PTPRD: variants seen among roughly 807,000 people sequenced by gnomAD.
PTPRD encodes the protein receptor-type tyrosine-protein phosphatase delta.
Under a neutral mutation model 214.5 loss-of-function variants are expected in PTPRD, and 34 were observed. That is an observed-to-expected ratio of 0.16 (90% CI 0.12 to 0.21). The LOEUF (loss-of-function observed/expected upper bound fraction) is 0.21, where lower values mean the gene tolerates loss of function less well. PTPRD is among the 10% of genes least tolerant of loss of function. The pLI, the probability that PTPRD is intolerant of heterozygous loss-of-function variation, is 1.00. For synonymous variants in PTPRD, 1,128 were observed against 845.7 expected, an observed-to-expected ratio of 1.33 and a Z score of -5.79; for missense variants, 2,545 against 2,398.7, an observed-to-expected ratio of 1.06 and a Z score of -1.27.
chr9:9,374,358 T>G (rs2060255006), intron 9 of PTPRD, among the ~76,000 whole-genome samples: 1 of 152,010 alleles, frequency 6.6e-6, no homozygotes, highest in Non-Finnish European at 1.5e-5. Flanking sequence ...AACAGGAACA[T>G]TAAAGTCAAA....
At chr9:9,018,502 A>G (rs966950540) in intron 11 of PTPRD, among the ~76,000 whole-genome samples, 195 bp downstream of exon 11, 4 of 152,194 alleles carry the variant, frequency 2.6e-5, no homozygotes, top group African/African-American at 9.6e-5. Context: ...TACTACATAC[A>G]GAAAATTTAT....
intron 3 of PTPRD, among the ~76,000 whole-genome samples, chr9:10,168,050 G>C (rs899326350): frequency 6.6e-6 from 1 of 152,112 alleles, no homozygotes; most frequent in South Asian, 2.1e-4. Context: ...GGCAATTCAC[G>C]TGTTTTTCCT....
At chr9:9,190,222 G>A (rs1377896331) in intron 9 of PTPRD, among the ~76,000 whole-genome samples, 1 of 151,996 alleles carries the variant, frequency 6.6e-6, no homozygotes, top group Non-Finnish European at 1.5e-5. Flanking sequence ...TATTGCAGGA[G>A]TGAGCTCTTG....
chr9:9,962,821 T>C (rs940244808), intron 4 of PTPRD, among the ~76,000 whole-genome samples: 4 of 152,012 alleles, frequency 2.6e-5, no homozygotes, highest in Non-Finnish European at 5.9e-5. Flanking sequence ...AAGAGTTCAA[T>C]AAAGACTGTT....
At chr9:9,309,197 C>G (rs1469452528) in intron 9 of PTPRD, among the ~76,000 whole-genome samples, 3 of 151,790 alleles carry the variant, frequency 2.0e-5, no homozygotes, top group Non-Finnish European at 4.4e-5. Context: ...GTGCCCTGTT[C>G]CTGCCTGAAC....
At chr9:8,978,806 G>A (rs2099285830) in intron 11 of PTPRD, among the ~76,000 whole-genome samples, 1 of 152,110 alleles carries the variant, frequency 6.6e-6, no homozygotes, top group African/African-American at 2.4e-5. Flanking sequence ...CTCAGAAAAC[G>A]AAAAGGACCT....
At chr9:9,522,801 C>A (rs1162771107) in intron 8 of PTPRD, among the ~76,000 whole-genome samples, 2 of 152,086 alleles carry the variant, frequency 1.3e-5, no homozygotes, top group South Asian at 4.1e-4. Context: ...ATTTTGGAAA[C>A]AACTAGAGTG....
intron 2 of PTPRD, among the ~76,000 whole-genome samples, chr9:10,487,228 G>A (rs895718743): frequency 1.3e-5 from 2 of 151,996 alleles, no homozygotes; most frequent in South Asian, 2.1e-4. Context: ...AGATCATTGG[G>A]TCTTCTTTTT....
intron 3 of PTPRD, among the ~76,000 whole-genome samples, chr9:10,058,039 A>G (rs879432836): frequency 2.0e-5 from 3 of 152,114 alleles, no homozygotes; most frequent in Admixed American, 2.0e-4. Context: ...TTAAAATGCC[A>G]GTATACGGGT....
chr9:9,836,264 A>C (rs1428135101), intron 5 of PTPRD, among the ~76,000 whole-genome samples: 8 of 152,158 alleles, frequency 5.3e-5, no homozygotes, highest in African/African-American at 1.7e-4. Context: ...AGTTAACTTA[A>C]GGCTTATTTG....
rs145964213 is a variant in PTPRD, at chr9:9,042,171, C to T, written c.-142-23436G>A. On this transcript the variant is annotated intron_variant, in intron 10 of 45. Transcript: ENST00000381196. ...ATACACTGGTTTTATTCTCTCTGAC[C>T]GGTTGTCTCTGTGAGTCTGCAACCA... 4.3e-3 allele frequency among the ~76,000 whole-genome samples: 649 copies of T among 152,258 alleles called. 2 individuals carry two copies. Among genetic ancestry groups the T allele is most frequent in the African/African-American group, 0.014 (586 of 41,540 alleles).
intron 8 of PTPRD, among the ~76,000 whole-genome samples, chr9:9,554,749 T>C (rs147750478): frequency 3.9e-4 from 59 of 152,146 alleles, no homozygotes; most frequent in African/African-American, 1.3e-3. Flanking sequence ...AGAGGAAACG[T>C]CAACACTTCT....
At chr9:8,812,442 T>C (rs970524508) in intron 11 of PTPRD, among the ~76,000 whole-genome samples, 1 of 152,222 alleles carries the variant, frequency 6.6e-6, no homozygotes, top group African/African-American at 2.4e-5. Flanking sequence ...CCTGCTTTGG[T>C]AAACTTATAT....
At chr9:8,786,045 G>C (rs953113252) in intron 11 of PTPRD, among the ~76,000 whole-genome samples, 12 of 140,942 alleles carry the variant, frequency 8.5e-5, no homozygotes, top group Admixed American at 7.8e-4. Context: ...GTGTGTGTGT[G>C]TGTGTGTGTG....
chr9:8,454,910 G>A (rs1241615654), intron 33 of PTPRD, among the ~76,000 whole-genome samples: 1 of 151,566 alleles, frequency 6.6e-6, no homozygotes, highest in African/African-American at 2.4e-5. Flanking sequence ...TATATCCCAG[G>A]AAGTGTTCGA....
chr9:9,563,979 C>A (rs1049654374), intron 8 of PTPRD, among the ~76,000 whole-genome samples: 1 of 152,092 alleles, frequency 6.6e-6, no homozygotes, highest in Non-Finnish European at 1.5e-5. Flanking sequence ...AAGTAAAAGA[C>A]ATGTTGGCCT....
At chr9:10,459,662 C>CTT in intron 2 of PTPRD, among the ~76,000 whole-genome samples, 1 of 147,188 alleles carries the variant, frequency 6.8e-6, no homozygotes, top group East Asian at 2.0e-4. Flanking sequence ...TGATGAAGAG[C>CTT]TTTTTTTTTT....
At chr9:10,264,093 A>G (rs943736408) in intron 3 of PTPRD, among the ~76,000 whole-genome samples, 4 of 152,172 alleles carry the variant, frequency 2.6e-5, no homozygotes, top group Non-Finnish European at 5.9e-5. Flanking sequence ...CAGAGGATAT[A>G]TGGGAACACC....
intron 3 of PTPRD, among the ~76,000 whole-genome samples, chr9:10,127,494 C>T (rs916107741): frequency 7.9e-5 from 12 of 152,040 alleles, no homozygotes; most frequent in African/African-American, 2.4e-4. Context: ...TGAAATCAAG[C>T]ATATTTCTCT....
Sources: gnomAD v4.1 joint callset for allele counts (sites outside exome capture counted in the v4.1 genomes callset) on GRCh38, gnomAD v4.1.1 for gene constraint, MANE v1.5 for transcripts, NCBI Gene and HGNC (gene_info 2026-07-23, HGNC 2026-07-21) for gene names.